Variants in CEP120 observed in about 807,000 individuals in gnomAD.
The protein encoded by CEP120 is centrosomal protein of 120 kDa.
A neutral mutation model predicts 126.5 loss-of-function variants in CEP120; 113 were observed. The ratio of observed to expected loss-of-function variants is 0.89; its 90% CI spans 0.77 to 1.04. The LOEUF is 1.04. Among genes scored for constraint, CEP120 ranks in the 50% least tolerant of loss-of-function variants. The probability of loss-of-function intolerance (pLI) is 0.00; values close to 1 mark genes in which losing one functional copy is unlikely to be tolerated. For missense variants in CEP120, 1,230 were observed against 1,155.7 expected (o/e 1.06, Z -0.93); for synonymous variants, 400 against 394.3 (o/e 1.01, Z -0.17).
intron 12 of CEP120, 24 bp from the exon 13 acceptor site, chr5:123,382,913 A>C (rs1160422488): frequency 6.2e-7 from 1 of 1,611,248 alleles, no homozygotes; most frequent in Admixed American, 1.7e-5. Context: ...CAAAAAGTAC[A>C]TTTAAACACT....
At chr5:123,388,719 A>AT (rs1772186691) in intron 8 of CEP120, 113 bp from the exon 9 acceptor site, 2 of 757,878 alleles carry the variant, frequency 2.6e-6, no homozygotes, top group Admixed American at 7.0e-5. Context: ...GAATTGGGCT[A>AT]TTTTGTCTCA....
intron 17 of CEP120, among the ~76,000 whole-genome samples, chr5:123,371,164 G>A (rs1034819479): frequency 1.3e-5 from 2 of 151,938 alleles, no homozygotes; most frequent in African/African-American, 2.4e-5. Flanking sequence ...TCCAACATTT[G>A]AAACTTTTTT....
intron 1 of CEP120, among the ~76,000 whole-genome samples, chr5:123,421,717 A>AT: frequency 6.6e-6 from 1 of 152,120 alleles, no homozygotes; most frequent in Non-Finnish European, 1.5e-5. Context: ...CTTGGAGGGA[A>AT]TGGAGGTATT....
At chr5:123,400,402 G>A (rs561755764) in intron 4 of CEP120, among the ~76,000 whole-genome samples, 386 of 151,974 alleles carry the variant, frequency 2.5e-3, no homozygotes, top group Middle Eastern at 6.8e-3. Context: ...AAAGGCAGCC[G>A]TCATACAATA....
intron 1 of CEP120, among the ~76,000 whole-genome samples, chr5:123,420,361 G>A (rs888149961): frequency 7.9e-5 from 12 of 152,076 alleles, no homozygotes; most frequent in African/African-American, 2.9e-4. Flanking sequence ...TTTCATCCTT[G>A]GAATCTAGTA....
chr5:123,374,639 G>A (rs1405312472), intron 16 of CEP120, among the ~76,000 whole-genome samples: 1 of 151,972 alleles, frequency 6.6e-6, no homozygotes, highest in Non-Finnish European at 1.5e-5. Context: ...GGCAAAAATG[G>A]AAATCATCAG....
chr5:123,397,236 A>G (rs528680654), intron 5 of CEP120, among the ~76,000 whole-genome samples: 21 of 152,338 alleles, frequency 1.4e-4, no homozygotes, highest in African/African-American at 4.8e-4. Context: ...AGGCAGGAGA[A>G]TCACTTGAAC....
At chr5:123,367,860 A>C in intron 17 of CEP120, among the ~76,000 whole-genome samples, 1 of 151,966 alleles carries the variant, frequency 6.6e-6, no homozygotes, top group East Asian at 1.9e-4. Context: ...ACCAGAGCTT[A>C]CAAATTAAAT....
intron 19 of CEP120, among the ~76,000 whole-genome samples, chr5:123,348,116 C>A (rs1369932421): frequency 2.6e-5 from 4 of 152,182 alleles, no homozygotes; most frequent in Non-Finnish European, 5.9e-5. Flanking sequence ...CACGTAAGTT[C>A]TCCTAGGCTT....
intron 4 of CEP120, among the ~76,000 whole-genome samples, chr5:123,402,926 G>T (rs1040679843): frequency 1.3e-5 from 2 of 152,168 alleles, no homozygotes; most frequent in Admixed American, 6.5e-5. Context: ...TTCCTCTCTT[G>T]CTCTTCAGCC....
intron 5 of CEP120, among the ~76,000 whole-genome samples, chr5:123,395,353 C>T (rs931760940): frequency 1.2e-4 from 18 of 152,162 alleles, no homozygotes; most frequent in Admixed American, 3.3e-4. Flanking sequence ...TGTGCTAAGT[C>T]ACTGATTTGC....
rs1343202611 is a variant in CEP120, at chr5:123,412,469, AG to A, written c.392del (p.Ala131ValfsTer41). 1 of 1,612,274 alleles carries A rather than the reference AG, an allele frequency of 6.2e-7. No homozygotes were observed. On this transcript the variant is annotated frameshift_variant, in exon 4 of 20. Transcript: ENST00000306467. LOFTEE classifies it high-confidence loss of function. ...KFKSEIQISI[A>X]LETDTKPPVD... ...CTGGTGGCTTTGTATCGGTTTCCAA[AG>A]CAATACTTATCTGTATCTCAGACTT...
In CEP120 at chr5:123,345,048, T is replaced by C. The variant is rs908094707; in HGVS notation, c.*1471A>G. The stretch of plus-strand genomic sequence containing the variant: ...GAAAGCAGTCACAGGCAACACACAA[T>C]GCAATTGAAAGTAAACAGTCACAGC... On this transcript the variant is annotated 3_prime_UTR_variant, in exon 20 of 20. Transcript: ENST00000306467. 7.9e-5 allele frequency: 12 copies of C among 152,178 alleles called. No homozygotes were observed. The highest frequency in any genetic ancestry group is 2.9e-4 in the African/African-American group (12 of 41,454). 9.4% of individuals were successfully genotyped at this position (152,178 alleles called of 1,614,324 possible).
At chr5:123,415,942 A>G (rs1774352224) in intron 3 of CEP120, 68 bp downstream of exon 3, 3 of 1,018,948 alleles carry the variant, frequency 2.9e-6, no homozygotes, top group Admixed American at 1.9e-5. Flanking sequence ...CTTTTCATCA[A>G]TCTGTTATCT....
chr5:123,373,477 C>G (rs1360715834), intron 16 of CEP120, among the ~76,000 whole-genome samples: 1 of 151,996 alleles, frequency 6.6e-6, no homozygotes, highest in African/African-American at 2.4e-5. Context: ...AGAGCAATTG[C>G]CCAGTGTCCA....
At chr5:123,358,537 A>G (rs1329648778) in intron 18 of CEP120, 1 of 152,102 alleles carries the variant, frequency 6.6e-6, no homozygotes, top group Non-Finnish European at 1.5e-5. Context: ...CAATGAGTAA[A>G]TATGACTGCA....
chr5:123,385,151 ATGTGTTCATACCTATCAACTC>A lies in CEP120; in HGVS notation c.1581-39_1581-19del. ...ATGGAATCCTAAGGAAGAGAGAAACATGTGTTCATACCTATCAACTCTGACCTAAAGTCTTTTCTGAACTAA... is the reference window on the plus strand; with the variant it reads ...ATGGAATCCTAAGGAAGAGAGAAACATGACCTAAAGTCTTTTCTGAACTAA... On this transcript the variant is annotated intron_variant, in intron 10 of 19. Transcript: ENST00000306467. The A allele has an allele frequency of 6.3e-7, 1 of 1,597,320 alleles. No homozygotes were observed. The highest frequency in any genetic ancestry group is 1.1e-5 in the South Asian group (1 of 89,324).
At chr5:123,377,957 AT>A (rs1771353696) in intron 15 of CEP120, among the ~76,000 whole-genome samples, 1 of 152,132 alleles carries the variant, frequency 6.6e-6, no homozygotes, top group Admixed American at 6.6e-5. Flanking sequence ...TTTTCGACCT[AT>A]TCTTAATATA....
At chr5:123,356,706 T>C (rs1033896785) in intron 18 of CEP120, among the ~76,000 whole-genome samples, 2 of 152,086 alleles carry the variant, frequency 1.3e-5, no homozygotes, top group Non-Finnish European at 2.9e-5. Context: ...CAGAACCTAA[T>C]TAGGACCCTT....
Sources: allele counts gnomAD v4.1 joint callset (sites outside exome capture counted in the v4.1 genomes callset), GRCh38; gene constraint gnomAD v4.1.1; transcripts MANE v1.5; gene names NCBI Gene and HGNC (gene_info 2026-07-23, HGNC 2026-07-21).